MCC: variants seen among roughly 807,000 people sequenced by gnomAD.
The protein encoded by MCC is colorectal mutant cancer protein.
MCC carries 90 observed loss-of-function variants against 116.2 expected under a neutral mutation model. The ratio of observed to expected loss-of-function variants is 0.77; its 90% CI spans 0.65 to 0.92. The LOEUF (loss-of-function observed/expected upper bound fraction) is 0.92. MCC is among the 40% of genes least tolerant of loss of function. The pLI is 0.00. For synonymous variants in MCC, 578 were observed against 510.5 expected, an observed-to-expected ratio of 1.13 and a Z score of -1.78; for missense variants, 1,516 against 1,312.2, an observed-to-expected ratio of 1.16 and a Z score of -2.40.
intron 14 of MCC, among the ~76,000 whole-genome samples, chr5:113,061,735 A>G (rs1313604327): frequency 6.6e-6 from 1 of 152,156 alleles, no homozygotes; most frequent in Non-Finnish European, 1.5e-5. Flanking sequence ...TTCTTTCCTG[A>G]ACCCTTGAGG....
chr5:113,183,771 G>C, intron 3 of MCC, among the ~76,000 whole-genome samples: 1 of 152,154 alleles, frequency 6.6e-6, no homozygotes, highest in Middle Eastern at 3.2e-3. Context: ...AACATGACTA[G>C]CAGGGGCAAA....
At chr5:113,271,142 T>C (rs901641860) in intron 3 of MCC, among the ~76,000 whole-genome samples, 3 of 152,160 alleles carry the variant, frequency 2.0e-5, no homozygotes, top group East Asian at 1.9e-4. Flanking sequence ...TAAGAGGCCT[T>C]TGTTTACATT....
chr5:113,198,083 C>T (rs1762501441), intron 3 of MCC, among the ~76,000 whole-genome samples: 1 of 152,242 alleles, frequency 6.6e-6, no homozygotes, highest in Non-Finnish European at 1.5e-5. Context: ...TGGTGCACTG[C>T]AGGCCTTCTT....
intron 9 of MCC, among the ~76,000 whole-genome samples, chr5:113,084,551 A>G (rs935711821): frequency 1.3e-5 from 2 of 152,244 alleles, no homozygotes; most frequent in Non-Finnish European, 2.9e-5. Flanking sequence ...TTCTGGTTAG[A>G]AAACACTGGT....
intron 6 of MCC, among the ~76,000 whole-genome samples, chr5:113,113,609 C>G (rs535808888): frequency 2.1e-5 from 3 of 139,606 alleles, no homozygotes; most frequent in South Asian, 4.6e-4. Flanking sequence ...GAACCTCCCG[C>G]TGCAACATGG....
intron 3 of MCC, among the ~76,000 whole-genome samples, chr5:113,261,473 T>C (rs1389452096): frequency 6.6e-6 from 1 of 152,156 alleles, no homozygotes. Context: ...CACCTTTTCC[T>C]GAACTTCTTC....
At chr5:113,433,411 C>T in intron 1 of MCC, 1 of 570,556 alleles carries the variant, frequency 1.8e-6, no homozygotes, top group Middle Eastern at 2.9e-4. Flanking sequence ...TCCTGCTGCT[C>T]TTCCTGCTCT....
chr5:113,055,792 G>A (rs1227085930), intron 14 of MCC, among the ~76,000 whole-genome samples: 3 of 152,206 alleles, frequency 2.0e-5, no homozygotes, highest in African/African-American at 7.2e-5. Flanking sequence ...TTTGTTACAT[G>A]TGATTACCAT....
intron 3 of MCC, among the ~76,000 whole-genome samples, chr5:113,282,957 T>G (rs1418208090): frequency 6.6e-6 from 1 of 152,244 alleles, no homozygotes; most frequent in African/African-American, 2.4e-5. Context: ...TGGAAAACTG[T>G]TACTCTTCAA....
intron 13 of MCC, among the ~76,000 whole-genome samples, chr5:113,066,958 A>C (rs2150231471): frequency 6.6e-6 from 1 of 152,268 alleles, no homozygotes; most frequent in South Asian, 2.1e-4. Flanking sequence ...TCCGGGGCTT[A>C]GTTCTGCATG....
intron 8 of MCC, among the ~76,000 whole-genome samples, chr5:113,092,361 G>A (rs936108085): frequency 3.9e-5 from 6 of 152,174 alleles, no homozygotes; most frequent in Non-Finnish European, 8.8e-5. Flanking sequence ...TGCTGGAAGC[G>A]ACAAGGAAGT....
intron 3 of MCC, among the ~76,000 whole-genome samples, chr5:113,163,097 C>T (rs1378676329): frequency 1.3e-5 from 2 of 152,138 alleles, no homozygotes; most frequent in Non-Finnish European, 2.9e-5. Flanking sequence ...ACTGGAGTAG[C>T]CTCATGCCCG....
At chr5:113,274,874 T>A (rs982701403) in intron 3 of MCC, among the ~76,000 whole-genome samples, 73 of 152,238 alleles carry the variant, frequency 4.8e-4, no homozygotes, top group African/African-American at 1.7e-3. Flanking sequence ...ATGAATGTTA[T>A]ACCTTATGCT....
chr5:113,193,297 T>C (rs1762235614), intron 3 of MCC, among the ~76,000 whole-genome samples: 1 of 151,826 alleles, frequency 6.6e-6, no homozygotes, highest in South Asian at 2.1e-4. Context: ...TATGCAAAGA[T>C]CCTTTTACCA....
At chr5:113,297,041 A>G (rs1036611528) in intron 3 of MCC, among the ~76,000 whole-genome samples, 2 of 152,236 alleles carry the variant, frequency 1.3e-5, no homozygotes, top group Non-Finnish European at 2.9e-5. Flanking sequence ...TGTTGATTGT[A>G]TGAGATTTTC....
At chr5:113,172,509 A>C (rs531700982) in intron 3 of MCC, among the ~76,000 whole-genome samples, 101 of 152,050 alleles carry the variant, frequency 6.6e-4, no homozygotes, top group Non-Finnish European at 1.2e-3. Flanking sequence ...TCGTTTGACT[A>C]AAAAGGCTTT....
intron 1 of MCC, among the ~76,000 whole-genome samples, chr5:113,466,781 C>T (rs1403670562): frequency 3.3e-5 from 5 of 152,178 alleles, no homozygotes; most frequent in East Asian, 3.9e-4. Flanking sequence ...AATGGTTGAA[C>T]GAGTTTACAG....
Position 113,023,976 on chromosome 5 carries a change from A to G in MCC, c.*3326T>C, listed in dbSNP as rs1282085945. 6.6e-6 allele frequency: 1 copy of G among 152,222 alleles called. No homozygotes were observed. The highest frequency in any genetic ancestry group is 1.5e-5 in the Non-Finnish European group (1 of 68,044). The allele number at this position is 152,222 out of a possible 1,614,324, so 9.4% of individuals were successfully genotyped here. A position where few individuals can be genotyped will look rare whatever the true frequency, so the allele number is the denominator to read the frequency against. On this transcript the variant is annotated 3_prime_UTR_variant, in exon 19 of 19. Transcript: ENST00000408903. ...GTGCACTTTTTTCTCATTTAAAATA[A>G]TCTAATCTGTATCCAGTTAGGAACC...
At chr5:113,372,265 A>G (rs1768853619) in intron 2 of MCC, among the ~76,000 whole-genome samples, 1 of 152,236 alleles carries the variant, frequency 6.6e-6, no homozygotes, top group South Asian at 2.1e-4. Context: ...AGCTAAAATA[A>G]TAGGTTCAAA....
Sources: gnomAD v4.1 joint callset for allele counts (sites outside exome capture counted in the v4.1 genomes callset) on GRCh38, gnomAD v4.1.1 for gene constraint, MANE v1.5 for transcripts, NCBI Gene and HGNC (gene_info 2026-07-23, HGNC 2026-07-21) for gene names.